The following EXOC6 variants were observed in gnomAD, a reference collection of about 807,000 sequenced individuals.
EXOC6 encodes exocyst complex component 6, also known as SEC15-like 1.
EXOC6 carries 60 observed loss-of-function variants against 112.5 expected under a neutral mutation model. The ratio of observed to expected loss-of-function variants is 0.53; its 90% CI spans 0.43 to 0.66. EXOC6 has a LOEUF of 0.66. EXOC6 is among the 30% of genes least tolerant of loss of function. EXOC6 has a pLI of 0.00. For synonymous variants in EXOC6, 295 were observed against 308.0 expected (o/e 0.96, Z 0.44); for missense variants, 855 against 957.1 (o/e 0.89, Z 1.41).
upstream of EXOC6, among the ~76,000 whole-genome samples, chr10:92,830,378 G>A (rs910152987): frequency 8.5e-5 from 13 of 152,080 alleles, no homozygotes; most frequent in African/African-American, 3.1e-4. Flanking sequence ...GAGGGACAGG[G>A]GTTCCTAGCA....
chr10:92,980,541 T>C (rs1842790034), intron 18 of EXOC6, among the ~76,000 whole-genome samples: 3 of 152,224 alleles, frequency 2.0e-5, no homozygotes, highest in Admixed American at 6.5e-5. Context: ...AACTTGATAT[T>C]AGTTTTCATT....
intron 20 of EXOC6, among the ~76,000 whole-genome samples, chr10:93,036,407 A>G (rs912625447): frequency 6.6e-6 from 1 of 152,068 alleles, no homozygotes; most frequent in Non-Finnish European, 1.5e-5. Context: ...TTCATGCAAC[A>G]TATGCTTTCA....
At chr10:92,910,872 C>T (rs887884713) in intron 6 of EXOC6, among the ~76,000 whole-genome samples, 3 of 96,000 alleles carry the variant, frequency 3.1e-5, no homozygotes, top group Non-Finnish European at 6.3e-5. Context: ...GAGCTTGTAG[C>T]GAGCCAAGAT....
rs556218833 is a variant in EXOC6, at chr10:92,953,731, T to C, written c.1527-899T>C. 1.3e-4 allele frequency among the ~76,000 whole-genome samples: 20 copies of C among 152,346 alleles called. No homozygotes were observed. The South Asian group carries it at 4.1e-3, about 32-fold the overall frequency. On this transcript the variant is annotated intron_variant, in intron 15 of 21. Transcript: ENST00000260762. ...TCCAAGAAATCATTATTTACTTAAA[T>C]TGAAGACCGAATGGTTAGGAGAAGA...
At chr10:92,948,573 C>CACCACTACT (rs1554900786) in intron 14 of EXOC6, among the ~76,000 whole-genome samples, 194 bp downstream of exon 14, 13 of 140,184 alleles carry the variant, frequency 9.3e-5, no homozygotes, top group Middle Eastern at 7.2e-3. Context: ...CTACTACTAC[C>CACCACTACT]ACTACTACTA....
chr10:92,912,681 A>T (rs1262023544), intron 6 of EXOC6, among the ~76,000 whole-genome samples: 1 of 152,240 alleles, frequency 6.6e-6, no homozygotes, highest in Admixed American at 6.5e-5. Context: ...GATTAGCCAG[A>T]TACTAATCAG....
intron 17 of EXOC6, among the ~76,000 whole-genome samples, chr10:92,964,605 T>C (rs534958535): frequency 1.3e-5 from 2 of 152,330 alleles, no homozygotes; most frequent in South Asian, 4.1e-4. Flanking sequence ...ACTTTTTTCT[T>C]AAATATTGAA....
chr10:92,948,151 TG>T (rs1356536525), intron 13 of EXOC6, 122 bp from the exon 14 acceptor site: 2 of 561,424 alleles, frequency 3.6e-6, no homozygotes, highest in Non-Finnish European at 6.2e-6. Context: ...TCTTCCTGTT[TG>T]GACCTTTAAT....
chr10:93,048,242 A>G (rs1273377897), intron 20 of EXOC6, among the ~76,000 whole-genome samples: 5 of 151,520 alleles, frequency 3.3e-5, no homozygotes, highest in African/African-American at 1.2e-4. Flanking sequence ...GTACACATGT[A>G]CCCTAGAACT....
intron 9 of EXOC6, among the ~76,000 whole-genome samples, chr10:92,930,800 A>T (rs1232913417): frequency 1.3e-5 from 2 of 152,124 alleles, no homozygotes; most frequent in Non-Finnish European, 2.9e-5. Context: ...TCAAAATCTA[A>T]AACTTCTGCT....
At position 92,923,725 on chromosome 10, in the gene EXOC6, TATCCTATTC is replaced by T. The variant is rs1851563862; in HGVS notation, c.888+3679_888+3687del. Among the ~76,000 whole-genome samples the T allele has an allele frequency of 2.6e-5, 4 of 152,224 alleles. No individual in the cohort carries two copies. In the South Asian group the frequency reaches 6.2e-4, roughly 24 times the overall value. The stretch of plus-strand genomic sequence containing the variant: ...AAGTGACATACCATTACTTCTGCTT[TATCCTATTC>T]ATCACATAGATGAACTCAGGTGCAT... On this transcript the variant is annotated intron_variant, in intron 8 of 21. Coordinates refer to ENST00000260762, the MANE Select transcript of EXOC6 (RefSeq NM_019053.6).
chr10:92,874,703 G>T (rs920015691), intron 1 of EXOC6, among the ~76,000 whole-genome samples: 2 of 152,058 alleles, frequency 1.3e-5, no homozygotes, highest in African/African-American at 4.8e-5. Flanking sequence ...AAGTTACTGA[G>T]GTATTTTATA....
At chr10:92,838,751 C>T (rs1846740233) in intron 1 of EXOC6, among the ~76,000 whole-genome samples, 1 of 152,098 alleles carries the variant, frequency 6.6e-6, no homozygotes, top group Non-Finnish European at 1.5e-5. Flanking sequence ...CCTGTGTTGT[C>T]CCAGCATGGT....
chr10:92,892,013 A>G (rs1191169203), intron 1 of EXOC6, among the ~76,000 whole-genome samples: 3 of 152,208 alleles, frequency 2.0e-5, no homozygotes, highest in South Asian at 2.1e-4. Context: ...GCAGATGAAA[A>G]GATTACTTGG....
intron 1 of EXOC6, among the ~76,000 whole-genome samples, chr10:92,870,922 A>G (rs891853193): frequency 1.3e-5 from 2 of 151,990 alleles, no homozygotes; most frequent in Non-Finnish European, 2.9e-5. Context: ...GTTGGCCAGA[A>G]TGGTCTCGAT....
upstream of EXOC6, among the ~76,000 whole-genome samples, chr10:92,844,867 C>T (rs892630907): frequency 6.6e-6 from 1 of 152,124 alleles, no homozygotes; most frequent in East Asian, 1.9e-4. Flanking sequence ...GGCCTGACAT[C>T]TAGTAAGAGA....
At chr10:93,029,539 C>T (rs972766291) in intron 20 of EXOC6, among the ~76,000 whole-genome samples, 5 of 152,024 alleles carry the variant, frequency 3.3e-5, no homozygotes. Flanking sequence ...AATGGGAGTT[C>T]TTTATCAGGT....
intron 1 of EXOC6, among the ~76,000 whole-genome samples, chr10:92,874,099 C>T (rs1176707861): frequency 1.3e-5 from 2 of 151,694 alleles, no homozygotes; most frequent in Non-Finnish European, 1.5e-5. Context: ...AATTTGGATT[C>T]TATGTATATA....
intron 1 of EXOC6, among the ~76,000 whole-genome samples, chr10:92,840,231 C>G (rs1005212279): frequency 2.0e-5 from 3 of 151,670 alleles, no homozygotes; most frequent in Admixed American, 1.3e-4. Flanking sequence ...AATGTTCTTG[C>G]TATTTATATC....
Sources: allele counts gnomAD v4.1 joint callset (sites outside exome capture counted in the v4.1 genomes callset), GRCh38; gene constraint gnomAD v4.1.1; transcripts MANE v1.5; gene names NCBI Gene and HGNC (gene_info 2026-07-23, HGNC 2026-07-21).